Variants in HSD17B2 observed in about 807,000 individuals in gnomAD.
HSD17B2 encodes the protein 17-beta-hydroxysteroid dehydrogenase type 2.
In HSD17B2, 32 loss-of-function variants were observed where a neutral mutation model predicts 26.9. That is an observed-to-expected ratio of 1.19 (90% CI 0.90 to 1.60). HSD17B2 has a LOEUF of 1.60. Ranked by LOEUF, HSD17B2 falls within the 40% of genes most tolerant of loss-of-function variation. The probability of loss-of-function intolerance (pLI) is 0.00; values close to 1 mark genes in which losing one functional copy is unlikely to be tolerated. For missense variants in HSD17B2, 613 were observed against 468.6 expected (o/e 1.31, Z -2.85); for synonymous variants, 246 against 186.7 (o/e 1.32, Z -2.59).
At chr16:82,059,242 G>A (rs1486723167) in intron 1 of HSD17B2, among the ~76,000 whole-genome samples, 1 of 152,218 alleles carries the variant, frequency 6.6e-6, no homozygotes, top group Admixed American at 6.5e-5. Context: ...TCTCAGCCTT[G>A]GCACTGTTGA....
intron 1 of HSD17B2, among the ~76,000 whole-genome samples, chr16:82,056,179 A>G (rs758514685): frequency 2.0e-4 from 30 of 152,196 alleles, no homozygotes; most frequent in Non-Finnish European, 3.1e-4. Flanking sequence ...TTTCCCATGA[A>G]AAAAAGGGAC....
At chr16:82,052,037 G>C (rs1047888660) in intron 1 of HSD17B2, among the ~76,000 whole-genome samples, 1 of 152,238 alleles carries the variant, frequency 6.6e-6, no homozygotes, top group Admixed American at 6.5e-5. Context: ...GCCTTATACA[G>C]AGCCAACCAC....
intron 1 of HSD17B2, among the ~76,000 whole-genome samples, chr16:82,051,671 C>A (rs1024916778): frequency 6.6e-6 from 1 of 152,112 alleles, no homozygotes; most frequent in African/African-American, 2.4e-5. Context: ...AACCACCATG[C>A]CACACATACA....
intron 1 of HSD17B2, among the ~76,000 whole-genome samples, chr16:82,047,283 C>T (rs74665492): frequency 2.6e-5 from 4 of 152,274 alleles, no homozygotes; most frequent in Non-Finnish European, 4.4e-5. Flanking sequence ...TACTTCAGAA[C>T]CTACCTGGTA....
At chr16:82,084,251 T>A (rs1904459022) in intron 3 of HSD17B2, among the ~76,000 whole-genome samples, 1 of 152,132 alleles carries the variant, frequency 6.6e-6, no homozygotes, top group African/African-American at 2.4e-5. Context: ...GGGAGAATTC[T>A]TTCTGTAAGG....
chr16:82,090,563 C>T (rs1240580657), intron 3 of HSD17B2, among the ~76,000 whole-genome samples: 1 of 152,004 alleles, frequency 6.6e-6, no homozygotes, highest in Non-Finnish European at 1.5e-5. Flanking sequence ...AGGTGATCTG[C>T]CCACCTTGGC....
intron 4 of HSD17B2, chr16:82,093,585 C>T (rs1250521663): frequency 6.6e-6 from 1 of 152,140 alleles, no homozygotes; most frequent in African/African-American, 2.4e-5. Flanking sequence ...TTTTTGTGTG[C>T]TTGAATTTTC....
chr16:82,098,408 T>A lies in HSD17B2; in HGVS notation c.1136T>A (p.Met379Lys), dbSNP rs1904921886. The A allele has an allele frequency of 6.2e-7, 1 of 1,607,970 alleles. No individual in the cohort carries two copies. Among genetic ancestry groups the A allele is most frequent in the Non-Finnish European group, 8.5e-7 (1 of 1,176,452 alleles). ...AAGCCCATGCCCAGAGCTCTAAGAA[T>A]GCCTAACTACAAGAAAAAGGCCACC... Reference protein sequence around the residue: ...QDKPMPRALRMPNYKKKAT With the variant: ...QDKPMPRALRKPNYKKKAT The change falls in exon 5 of 5, where the codon ATG (methionine) becomes AAG (lysine). Residue 379 changes from methionine to lysine, a missense_variant. Physicochemically the swap from Met to Lys is moderately conservative, Grantham distance 95. Transcript: ENST00000199936.
At chr16:82,059,392 G>A (rs8191099) in intron 1 of HSD17B2, among the ~76,000 whole-genome samples, 3,632 of 152,260 alleles carry the variant, frequency 0.024, 65 homozygotes, top group Middle Eastern at 0.044. Context: ...GTTGAGAATC[G>A]CTTTCCTGCA....
At position 82,081,988 on chromosome 16, in the gene HSD17B2, C is replaced by T. The variant is rs558414130; in HGVS notation, c.665-8914C>T. On this transcript the variant is annotated intron_variant, in intron 3 of 4. Coordinates refer to ENST00000199936, the MANE Select transcript of HSD17B2 (RefSeq NM_002153.3). Reference sequence around the variant, plus strand: ...GAAGCCATTATCCTCAGCAACCTAACGCAGGAACAGAAAACCAAATACCAC... The same window carrying T: ...GAAGCCATTATCCTCAGCAACCTAATGCAGGAACAGAAAACCAAATACCAC... Among the ~76,000 whole-genome samples the T allele has an allele frequency of 3.3e-5, 5 of 152,262 alleles. No individual in the cohort carries two copies. In the South Asian group the frequency reaches 6.2e-4, roughly 19 times the overall value.
At chr16:82,093,280 T>C (rs990298099) in intron 4 of HSD17B2, 2 of 152,232 alleles carry the variant, frequency 1.3e-5, no homozygotes, top group African/African-American at 4.8e-5. Context: ...ATCATTTATT[T>C]GCTTTTCTTT....
chr16:82,035,697 G>A lies in HSD17B2; in HGVS notation c.265+8G>A. ...AGGCAGTCCTGGTGACAGGTAAGCAGACGGTGCTACAATTTTCACTGAGGG... is the reference window on the plus strand; with the variant it reads ...AGGCAGTCCTGGTGACAGGTAAGCAAACGGTGCTACAATTTTCACTGAGGG... On this transcript the variant is annotated splice_region_variant and intron_variant, in intron 1 of 4. Coordinates refer to ENST00000199936, the MANE Select transcript of HSD17B2 (RefSeq NM_002153.3). The A allele has an allele frequency of 6.2e-7, 1 of 1,612,156 alleles. No individual in the cohort carries two copies. The highest frequency in any genetic ancestry group is 1.1e-5 in the South Asian group (1 of 90,796).
Position 82,098,335 on chromosome 16 carries a change from C to A in HSD17B2, c.1063C>A (p.Pro355Thr), listed in dbSNP as rs776550080. 5 of 1,614,198 alleles carry A rather than the reference C, an allele frequency of 3.1e-6. No individual in the cohort carries two copies. The South Asian group carries it at 5.5e-5, about 18-fold the overall frequency. Reference sequence around the variant, plus strand: ...GTGGATCTGCCTTGCTCACTATTTGCCTATTGGCATATATGATTACTTTGC... The same window carrying A: ...GTGGATCTGCCTTGCTCACTATTTGACTATTGGCATATATGATTACTTTGC... ...YLWICLAHYL[P>T]IGIYDYFAKR... The change falls in exon 5 of 5, where the codon CCT (proline) becomes ACT (threonine). Residue 355 changes from proline (P) to threonine (T), a missense_variant. By Grantham distance (38) the Pro-to-Thr change is conservative. Transcript: ENST00000199936.
intron 4 of HSD17B2, chr16:82,097,364 C>CACACACAG (rs1904880619): frequency 1.0e-5 from 1 of 97,010 alleles, no homozygotes; most frequent in Non-Finnish European, 2.7e-5. Context: ...CACACACACA[C>CACACACAG]ACACACACAC....
chr16:82,097,262 A>ATGTG (rs1567595444), intron 4 of HSD17B2: 23 of 77,436 alleles, frequency 3.0e-4, no homozygotes, highest in South Asian at 5.1e-4. Context: ...GTCTATGTCT[A>ATGTG]TGTCTATGTG....
chr16:82,061,101 A>G (rs1427966377), intron 1 of HSD17B2, among the ~76,000 whole-genome samples: 4 of 152,132 alleles, frequency 2.6e-5, no homozygotes, highest in Non-Finnish European at 5.9e-5. Context: ...TCTATTAAAA[A>G]TACAAAAATG....
At chr16:82,073,164 C>T (rs983370156) in intron 3 of HSD17B2, among the ~76,000 whole-genome samples, 1 of 152,124 alleles carries the variant, frequency 6.6e-6, no homozygotes, top group South Asian at 2.1e-4. Flanking sequence ...CATGTATTTT[C>T]ATTGAAGGGA....
intron 3 of HSD17B2, among the ~76,000 whole-genome samples, chr16:82,083,543 T>C (rs114702143): frequency 1.3e-5 from 2 of 152,086 alleles, no homozygotes; most frequent in Non-Finnish European, 2.9e-5. Flanking sequence ...AAATAACACA[T>C]GTTTAAGCAT....
chr16:82,048,071 A>T (rs1008542776), intron 1 of HSD17B2, among the ~76,000 whole-genome samples: 1 of 152,218 alleles, frequency 6.6e-6, no homozygotes, highest in Non-Finnish European at 1.5e-5. Flanking sequence ...GTCCAAATTA[A>T]ATTGGAGAAA....
Sources: gnomAD v4.1 joint callset for allele counts (sites outside exome capture counted in the v4.1 genomes callset) on GRCh38, gnomAD v4.1.1 for gene constraint, MANE v1.5 for transcripts, NCBI Gene and HGNC (gene_info 2026-07-23, HGNC 2026-07-21) for gene names.